CAPRIN1: variants seen among roughly 807,000 people sequenced by gnomAD.
CAPRIN1 encodes cell cycle associated protein 1, also known as caprin-1.
In CAPRIN1, 29 loss-of-function variants were observed where a neutral mutation model predicts 100.9. The observed-to-expected ratio is 0.29, with a 90% confidence interval of 0.21 to 0.39. The LOEUF is 0.39. CAPRIN1 is among the 10% of genes least tolerant of loss of function. The pLI is 1.00. For synonymous variants in CAPRIN1, 338 were observed against 307.5 expected (o/e 1.10, Z -1.04); for missense variants, 795 against 876.7 (o/e 0.91, Z 1.18).
intron 4 of CAPRIN1, among the ~76,000 whole-genome samples, chr11:34,072,828 A>G (rs1590730716): frequency 6.6e-6 from 1 of 152,234 alleles, no homozygotes; most frequent in Non-Finnish European, 1.5e-5. Context: ...GACCACATAT[A>G]TGATGATGGT....
At chr11:34,091,823 A>G in intron 14 of CAPRIN1, 83 bp from the exon 15 acceptor site, 2 of 1,247,876 alleles carry the variant, frequency 1.6e-6, no homozygotes, top group South Asian at 2.9e-5. Context: ...TTTATGTCTG[A>G]GGTAAAACCA....
chr11:34,095,155 C>G (rs998903562), intron 15 of CAPRIN1, among the ~76,000 whole-genome samples: 3 of 152,144 alleles, frequency 2.0e-5, no homozygotes, highest in Non-Finnish European at 4.4e-5. Flanking sequence ...CTTGGCCTCC[C>G]AAAGTGCTGG....
intron 7 of CAPRIN1, among the ~76,000 whole-genome samples, chr11:34,081,497 C>A (rs1441084384): frequency 6.8e-6 from 1 of 147,292 alleles, no homozygotes; most frequent in Non-Finnish European, 1.5e-5. Context: ...CTGTGCCCAG[C>A]CTTTTTTTTT....
chr11:34,056,725 A>G (rs1335346367), intron 2 of CAPRIN1, among the ~76,000 whole-genome samples: 1 of 152,200 alleles, frequency 6.6e-6, no homozygotes, highest in East Asian at 1.9e-4. Flanking sequence ...ATCAGTTGTG[A>G]TATAGAATAA....
intron 11 of CAPRIN1, among the ~76,000 whole-genome samples, chr11:34,086,678 A>C (rs1565094817): frequency 6.6e-6 from 1 of 152,206 alleles, no homozygotes; most frequent in Non-Finnish European, 1.5e-5. Flanking sequence ...AACTGAAAAC[A>C]CCTGCAGCTA....
At position 34,090,572 on chromosome 11, in the gene CAPRIN1, C is replaced by T. The variant is rs766532737; in HGVS notation, c.1448C>T (p.Ser483Phe). 2 of 1,614,130 alleles carry T rather than the reference C, an allele frequency of 1.2e-6. No homozygotes were observed. The highest frequency in any genetic ancestry group is 1.3e-5 in the African/African-American group (1 of 75,054). The change falls in exon 14 of 19, where the codon TCC becomes TTC. Residue 483 changes from serine (S) to phenylalanine (F), a missense_variant. By Grantham distance (155) the Ser-to-Phe change is radical. Coordinates refer to ENST00000341394, the MANE Select transcript of CAPRIN1 (RefSeq NM_005898.5). ...ACAGACCAGACTACAGCATCATCAT[C>T]CCTTCCTGCTGCGTCTCAGCCTCAA... ...LNTDQTTASSSLPAASQPQVF... is the reference protein window; with the variant it reads ...LNTDQTTASSFLPAASQPQVF...
intron 12 of CAPRIN1, chr11:34,089,936 A>C (rs1007458306): frequency 1.8e-5 from 5 of 273,156 alleles, no homozygotes; most frequent in African/African-American, 1.1e-4. Flanking sequence ...TCTTAGAAGT[A>C]CTTGTGGAGG....
At chr11:34,069,605 T>C (rs139632431) in intron 2 of CAPRIN1, among the ~76,000 whole-genome samples, 9 of 152,278 alleles carry the variant, frequency 5.9e-5, no homozygotes, top group African/African-American at 1.7e-4. Flanking sequence ...TGTGAGGTAA[T>C]TGGACACATC....
At chr11:34,079,963 G>C (rs566068055) in intron 7 of CAPRIN1, among the ~76,000 whole-genome samples, 198 bp downstream of exon 7, 2 of 135,434 alleles carry the variant, frequency 1.5e-5, no homozygotes, top group East Asian at 4.3e-4. Flanking sequence ...TCGCTCTGTT[G>C]CCCAGGCTGG....
intron 2 of CAPRIN1, among the ~76,000 whole-genome samples, chr11:34,066,189 TG>T (rs1300341170): frequency 6.6e-6 from 1 of 152,170 alleles, no homozygotes; most frequent in Admixed American, 6.5e-5. Flanking sequence ...TTGCCTGGGC[TG>T]GTCTTGAACT....
intron 2 of CAPRIN1, among the ~76,000 whole-genome samples, chr11:34,066,317 A>C (rs1392909575): frequency 6.6e-6 from 1 of 150,646 alleles, no homozygotes; most frequent in Non-Finnish European, 1.5e-5. Flanking sequence ...TACCTTTTTA[A>C]TTTATTTTTA....
intron 13 of CAPRIN1, 99 bp downstream of exon 13, chr11:34,090,388 C>T (rs187214204): frequency 4.5e-5 from 56 of 1,250,556 alleles, no homozygotes; most frequent in East Asian, 7.2e-5. Flanking sequence ...TCTTTTTGGA[C>T]CTACTTTGCT....
intron 12 of CAPRIN1, 112 bp from the exon 13 acceptor site, chr11:34,090,067 T>A: frequency 1.8e-6 from 1 of 554,316 alleles, no homozygotes; most frequent in Non-Finnish European, 3.2e-6. Context: ...ATTTCTCCCT[T>A]CTTTAGCAGT....
intron 13 of CAPRIN1, 112 bp downstream of exon 13, chr11:34,090,401 C>A: frequency 1.5e-6 from 2 of 1,303,206 alleles, no homozygotes; most frequent in South Asian, 1.3e-5. Flanking sequence ...ACTTTGCTTT[C>A]ATGAAATATT....
intron 2 of CAPRIN1, among the ~76,000 whole-genome samples, chr11:34,057,902 T>TA (rs1203688023): frequency 6.6e-6 from 1 of 150,498 alleles, no homozygotes; most frequent in Non-Finnish European, 1.5e-5. Context: ...ATATTTTTAG[T>TA]AGAGATGGGA....
At chr11:34,083,707 GT>G (rs1372559487) in intron 9 of CAPRIN1, among the ~76,000 whole-genome samples, 2 of 152,164 alleles carry the variant, frequency 1.3e-5, no homozygotes, top group Non-Finnish European at 2.9e-5. Flanking sequence ...CACCCCCAAG[GT>G]GCAGGAAAAT....
rs745970039 is a variant in CAPRIN1, at chr11:34,052,465, C to T, written c.45C>T (p.Ser15=). The change falls in exon 2 of 19, where the codon TCC becomes TCT. Residue 15 remains serine (S), a synonymous_variant. Transcript: ENST00000341394. ...TSHSGSGSKS[S]GPPPPSGSSG... ...ACAGCGGGAGCGGCAGCAAGTCGTC[C>T]GGACCGCCACCGCCGTCGGGTTCCT... The T allele has an allele frequency of 6.2e-6, 10 of 1,607,212 alleles. No individual in the cohort carries two copies. In the Admixed American group the frequency reaches 1.0e-4, roughly 16 times the overall value.
chr11:34,090,671 T>C lies in CAPRIN1; in HGVS notation c.1547T>C (p.Met516Thr). The C allele has an allele frequency of 6.2e-7, 1 of 1,612,780 alleles. No individual in the cohort carries two copies. The highest frequency in any genetic ancestry group is 1.1e-5 in the South Asian group (1 of 91,004). Residue 516 changes from methionine to threonine, a missense_variant, in exon 14 of 19, where the codon ATG becomes ACG. Around this residue, in one of 3 missense-constraint regions of CAPRIN1, gnomAD observed 648 missense variants for 697.9 expected, o/e 0.93. Transcript: ENST00000341394. Reference sequence around the variant, plus strand: ...GTAAATGCAGCTCCATTCCAATCCATGCAAACGGTAAGCAAATTAACTAAC... The same window carrying C: ...GTAAATGCAGCTCCATTCCAATCCACGCAAACGGTAAGCAAATTAACTAAC... ...INVNAAPFQS[M>T]QTVFNMNAPV...
chr11:34,085,615 A>G (rs1851123117), intron 9 of CAPRIN1, among the ~76,000 whole-genome samples: 1 of 152,154 alleles, frequency 6.6e-6, no homozygotes, highest in Non-Finnish European at 1.5e-5. Context: ...CAGCCTGGCC[A>G]ATATGGTGTG....
Sources: gnomAD v4.1 joint callset for allele counts (sites outside exome capture counted in the v4.1 genomes callset) on GRCh38, gnomAD v4.1.1 for gene constraint, gnomAD v4.1.1 regional missense constraint, MANE v1.5 for transcripts, NCBI Gene and HGNC (gene_info 2026-07-23, HGNC 2026-07-21) for gene names.